Variants in AFP observed in about 807,000 individuals in gnomAD.
AFP encodes alpha fetoprotein.
Under a neutral mutation model 78.9 loss-of-function variants are expected in AFP, and 64 were observed. The ratio of observed to expected loss-of-function variants is 0.81; its 90% CI spans 0.66 to 1.00. The LOEUF is 1.00. Ranked by LOEUF, AFP falls within the 50% of genes least tolerant of loss-of-function variation. AFP has a pLI of 0.00. For synonymous variants in AFP, 254 were observed against 243.8 expected, an observed-to-expected ratio of 1.04 and a Z score of -0.39; for missense variants, 689 against 703.8, an observed-to-expected ratio of 0.98 and a Z score of 0.24.
chr4:73,438,192 C>T lies in AFP; in HGVS notation c.156C>T (p.Ala52=), dbSNP rs775043174. ...SLADLATIFF[A]QFVQEATYKE... ...GTTTCAGGGCTACCATATTTTTTGCCCAGTTTGTTCAAGAAGCCACTTACA... is the reference window on the plus strand; with the variant it reads ...GTTTCAGGGCTACCATATTTTTTGCTCAGTTTGTTCAAGAAGCCACTTACA... Residue 52 remains alanine, a synonymous_variant, in exon 3 of 15, where the codon GCC becomes GCT. Transcript: ENST00000395792. 1 of 1,613,190 alleles carries T rather than the reference C, an allele frequency of 6.2e-7. No homozygotes were observed. The highest frequency in any genetic ancestry group is 1.7e-4 in the Middle Eastern group (1 of 6,056).
At chr4:73,440,179 G>A in intron 3 of AFP, among the ~76,000 whole-genome samples, 1 of 152,046 alleles carries the variant, frequency 6.6e-6, no homozygotes, top group East Asian at 1.9e-4. Context: ...AGCCCAGCGT[G>A]CATTACCTAT....
intron 12 of AFP, chr4:73,453,503 G>A (rs1720068004): frequency 2.4e-6 from 1 of 420,646 alleles, no homozygotes. Flanking sequence ...AGGGGAGATT[G>A]CCTTCCACTA....
At position 73,437,206 on chromosome 4, in the gene AFP, T is replaced by A. The variant is rs1334047040; in HGVS notation, c.132T>A (p.Ala44=). Residue 44 remains alanine (A), a synonymous_variant, in exon 2 of 15, where the codon GCT becomes GCA. Transcript: ENST00000395792. ...SYQCTAEISL[A]DLATIFFAQF... Reference sequence around the variant, plus strand: ...AATGTACTGCAGAGATAAGTTTAGCTGACCTGTAAGTTTTGCTTATATAAA... The same window carrying A: ...AATGTACTGCAGAGATAAGTTTAGCAGACCTGTAAGTTTTGCTTATATAAA... 1 of 1,609,520 alleles carries A rather than the reference T, an allele frequency of 6.2e-7. No homozygotes were observed. The highest frequency in any genetic ancestry group is 8.5e-7 in the Non-Finnish European group (1 of 1,176,392).
Position 73,452,415 on chromosome 4 carries a change from C to A in AFP, c.1443C>A (p.Ile481=). Residue 481 remains isoleucine, a synonymous_variant, in exon 12 of 15, where the codon ATC becomes ATA. Coordinates refer to ENST00000395792, the MANE Select transcript of AFP (RefSeq NM_001134.3). ...CTCCTAACCAGGCTGACATTATTAT[C>A]GGACACTTATGTATCAGACATGAAA... ...ACGEGAADII[I]GHLCIRHEMT... is the part of the protein sequence containing the mutation. The A allele has an allele frequency of 6.2e-7, 1 of 1,613,860 alleles. No individual in the cohort carries two copies. Among genetic ancestry groups the A allele is most frequent in the Non-Finnish European group, 8.5e-7 (1 of 1,179,798 alleles).
Position 73,455,819 on chromosome 4 carries a change from T to C in AFP, c.*199T>C, listed in dbSNP as rs1720144176. 1.7e-6 allele frequency: 1 copy of C among 599,798 alleles called. No individual in the cohort carries two copies. The highest frequency in any genetic ancestry group is 3.1e-5 in the Admixed American group (1 of 32,074). The allele number at this position is 599,798 out of a possible 1,614,324, so 37.2% of individuals were successfully genotyped here. ...CTTATTTATGAAAAGTTATCGATAATTTCTTTAGTTTTGTATACCATTGTC... is the reference window on the plus strand; with the variant it reads ...CTTATTTATGAAAAGTTATCGATAACTTCTTTAGTTTTGTATACCATTGTC... On this transcript the variant is annotated 3_prime_UTR_variant, in exon 15 of 15. Transcript: ENST00000395792.
chr4:73,453,647 T>A, intron 12 of AFP, 118 bp from the exon 13 acceptor site: 1 of 1,177,380 alleles, frequency 8.5e-7, no homozygotes, highest in Non-Finnish European at 1.2e-6. Flanking sequence ...GTGGTCAGTC[T>A]GGTGATAGGT....
intron 9 of AFP, 78 bp downstream of exon 9, chr4:73,449,545 G>A: frequency 6.5e-7 from 1 of 1,542,602 alleles, no homozygotes; most frequent in Non-Finnish European, 8.9e-7. Flanking sequence ...TTGTTTGAAA[G>A]CCTCTAGTTT....
intron 3 of AFP, among the ~76,000 whole-genome samples, chr4:73,439,280 G>T (rs1719596766): frequency 6.6e-6 from 1 of 151,992 alleles, no homozygotes; most frequent in African/African-American, 2.4e-5. Flanking sequence ...GTTATGGTGG[G>T]GTTAATTAGG....
Position 73,453,718 on chromosome 4 carries a change from A to G in AFP, c.1653-47A>G. ...ACTAGGAAGGCTGTAGAAAAATAGC[A>G]TTGCATAACAGACTTCTCTTGTATT... is the stretch of plus-strand genomic sequence containing the variant. On this transcript the variant is annotated intron_variant, in intron 12 of 14. Coordinates refer to ENST00000395792, the MANE Select transcript of AFP (RefSeq NM_001134.3). 3 of 1,604,070 alleles carry G rather than the reference A, an allele frequency of 1.9e-6. No individual in the cohort carries two copies. The South Asian group carries it at 3.3e-5, about 18-fold the overall frequency.
intron 8 of AFP, among the ~76,000 whole-genome samples, chr4:73,448,292 A>C (rs1719891495): frequency 6.6e-6 from 1 of 152,176 alleles, no homozygotes; most frequent in Non-Finnish European, 1.5e-5. Context: ...AAAGCAATCA[A>C]GTTAATACGT....
intron 2 of AFP, among the ~76,000 whole-genome samples, chr4:73,437,599 A>G (rs750248189): frequency 6.6e-6 from 1 of 151,964 alleles, no homozygotes; most frequent in Non-Finnish European, 1.5e-5. Context: ...AAAATATTCT[A>G]TTTGCTGTTA....
At chr4:73,438,948 C>G (rs1008150566) in intron 3 of AFP, among the ~76,000 whole-genome samples, 1 of 152,094 alleles carries the variant, frequency 6.6e-6, no homozygotes, top group African/African-American at 2.4e-5. Context: ...ATGGGAACCA[C>G]CAAATGGCAG....
intron 5 of AFP, 135 bp downstream of exon 5, chr4:73,442,563 A>G (rs905575037): frequency 6.7e-6 from 7 of 1,051,538 alleles, no homozygotes; most frequent in African/African-American, 1.6e-5. Flanking sequence ...CAGCAGTCTG[A>G]TATTCTTCGA....
In AFP at chr4:73,450,890, T is replaced by A. The variant is rs541210077; in HGVS notation, c.1428+137T>A. 3 of 1,416,822 alleles carry A rather than the reference T, an allele frequency of 2.1e-6. No homozygotes were observed. In the East Asian group the frequency reaches 6.9e-5, roughly 33 times the overall value. 87.8% of individuals were successfully genotyped at this position (1,416,822 alleles called of 1,614,324 possible). A position where few individuals can be genotyped will look rare whatever the true frequency, so the allele number is the denominator to read the frequency against. On this transcript the variant is annotated intron_variant, in intron 11 of 14. Transcript: ENST00000395792. ...GGAGGCTTGTTTGATTAGTCACGGT[T>A]GGAGGGGTGTGAGAACCCAGCTCTG... is the stretch of plus-strand genomic sequence containing the variant.
At chr4:73,455,138 A>G (rs1720118613) in intron 13 of AFP, 98 bp from the exon 14 acceptor site, 2 of 992,254 alleles carry the variant, frequency 2.0e-6, no homozygotes, top group Non-Finnish European at 1.6e-6. Flanking sequence ...TAGTTAATCT[A>G]CAAACCTATG....
intron 10 of AFP, 70 bp from the exon 11 acceptor site, chr4:73,450,545 G>A: frequency 6.2e-7 from 1 of 1,607,088 alleles, no homozygotes; most frequent in Non-Finnish European, 8.5e-7. Flanking sequence ...GAGAGTCTGT[G>A]AGAAGAAGCA....
chr4:73,447,802 G>T, intron 8 of AFP, 126 bp downstream of exon 8: 1 of 810,986 alleles, frequency 1.2e-6, no homozygotes, highest in Non-Finnish European at 2.0e-6. Flanking sequence ...TATTTGGCTA[G>T]AATGTTCTGA....
chr4:73,448,074 T>TA (rs903628762), intron 8 of AFP, among the ~76,000 whole-genome samples: 158 of 148,922 alleles, frequency 1.1e-3, no homozygotes, highest in African/African-American at 2.1e-3. Context: ...CTACGCATGT[T>TA]AAAAAAAAAA....
intron 4 of AFP, among the ~76,000 whole-genome samples, chr4:73,441,071 C>T (rs1264807197): frequency 3.3e-5 from 5 of 151,944 alleles, no homozygotes; most frequent in African/African-American, 1.2e-4. Context: ...GAGATATACA[C>T]CTTTTTTTTT....
Sources: gnomAD v4.1 joint callset for allele counts (sites outside exome capture counted in the v4.1 genomes callset) on GRCh38, gnomAD v4.1.1 for gene constraint, MANE v1.5 for transcripts, NCBI Gene and HGNC (gene_info 2026-07-23, HGNC 2026-07-21) for gene names.